Variants in CARD6 observed in about 807,000 individuals in gnomAD.
The protein encoded by CARD6 is caspase recruitment domain family member 6, also known as caspase recruitment domain-containing protein 6.
In CARD6, 27 loss-of-function variants were observed where a neutral mutation model predicts 23.6. That is an observed-to-expected ratio of 1.14 (90% CI 0.84 to 1.58). The LOEUF is 1.58. Among genes scored for constraint, CARD6 ranks in the 40% most tolerant of loss-of-function variants. CARD6 has a pLI of 0.00. For missense variants in CARD6, 1,214 were observed against 1,209.9 expected (o/e 1.00, Z -0.05); for synonymous variants, 397 against 431.8 (o/e 0.92, Z 1.00).
At chr5:40,841,800 A>G in intron 1 of CARD6, 135 bp downstream of exon 1, 3 of 735,996 alleles carry the variant, frequency 4.1e-6, no homozygotes, top group Non-Finnish European at 6.4e-6. Flanking sequence ...TTGAAATATG[A>G]AATAGGGAAA....
chr5:40,851,957 T>A (rs1208468476), intron 2 of CARD6, among the ~76,000 whole-genome samples: 3 of 150,382 alleles, frequency 2.0e-5, no homozygotes, highest in African/African-American at 7.4e-5. Flanking sequence ...AAAGACCCCA[T>A]CTCTATTAAA....
intron 2 of CARD6, among the ~76,000 whole-genome samples, chr5:40,846,056 A>G (rs1255671965): frequency 2.0e-5 from 3 of 150,344 alleles, no homozygotes; most frequent in African/African-American, 7.4e-5. Context: ...TCTGTTGCCC[A>G]GGCTGGAGTG....
rs1745862547 is a variant in CARD6 at position 40,841,627 on chromosome 5, C to T, written c.245C>T (p.Thr82Ile). The change falls in exon 1 of 3, where the codon ACT becomes ATT. Residue 82 changes from threonine (T) to isoleucine (I), a missense_variant. Thr to Ile is a moderately conservative substitution (Grantham distance 89). Coordinates refer to ENST00000254691, the MANE Select transcript of CARD6 (RefSeq NM_032587.4). The part of the protein sequence containing the change: ...CQHFLKCLFS[T>I]FPQSAAICGL... ...CATTTTCTCAAGTGTTTATTTAGTACTTTTCCACAGTCAGCTGCCATTTGC... is the reference window on the plus strand; with the variant it reads ...CATTTTCTCAAGTGTTTATTTAGTATTTTTCCACAGTCAGCTGCCATTTGC... The T allele has an allele frequency of 6.2e-6, 10 of 1,613,920 alleles. No homozygotes were observed. The highest frequency in any genetic ancestry group is 8.5e-6 in the Non-Finnish European group (10 of 1,179,936).
At chr5:40,841,706 G>A (rs369296125) in intron 1 of CARD6, 41 bp downstream of exon 1, 28 of 1,411,328 alleles carry the variant, frequency 2.0e-5, no homozygotes, top group South Asian at 3.2e-5. Context: ...AGAGGAAGGG[G>A]GCAGACTTTC....
In CARD6 at chr5:40,854,329, T is replaced by C. The variant is rs1746149743; in HGVS notation, c.2997T>C (p.Pro999=). The C allele has an allele frequency of 6.2e-7, 1 of 1,613,914 alleles. No individual in the cohort carries two copies. The highest frequency in any genetic ancestry group is 1.1e-5 in the South Asian group (1 of 91,078). ...AGCCTAAGCCAAGCCAGCCCTGGCC[T>C]CCCCAGTCTAAGCCTTCTCAGCCCA... is the stretch of plus-strand genomic sequence containing the variant. ...STQPKPSQPW[P]PQSKPSQPRP... Residue 999 remains proline, a synonymous_variant, in exon 3 of 3, where the codon CCT becomes CCC. Transcript: ENST00000254691.
intron 2 of CARD6, among the ~76,000 whole-genome samples, chr5:40,846,374 G>GT (rs1745967683): frequency 1.3e-5 from 2 of 152,168 alleles, no homozygotes; most frequent in South Asian, 4.2e-4. Flanking sequence ...GGTGGAGGGG[G>GT]GGAGACAGAG....
At position 40,852,948 on chromosome 5, in the gene CARD6, T is replaced by C. The variant is rs368792815; in HGVS notation, c.1616T>C (p.Phe539Ser). 2.5e-6 allele frequency: 4 copies of C among 1,614,036 alleles called. No individual in the cohort carries two copies. The African/African-American group carries it at 5.3e-5, about 22-fold the overall frequency. ...LANLRGNLES[F>S]WTQFGFLMEV... ...AATCTCCGTGGAAATCTAGAAAGCT[T>C]TTGGACTCAGTTTGGTTTTTTGATG... Residue 539 changes from phenylalanine (F) to serine (S), a missense_variant, in exon 3 of 3, where the codon TTT becomes TCT. Coordinates refer to ENST00000254691, the MANE Select transcript of CARD6 (RefSeq NM_032587.4).
At position 40,852,422 on chromosome 5, in the gene CARD6, A is replaced by C. The variant is rs538146189; in HGVS notation, c.1090A>C (p.Asn364His). ...GGAGGATTTGCTGGCTGGAGTGGAGAATTTGGAAATTCGAGACATACAAAC... is the reference window on the plus strand; with the variant it reads ...GGAGGATTTGCTGGCTGGAGTGGAGCATTTGGAAATTCGAGACATACAAAC... ...SKEDLLAGVE[N>H]LEIRDIQTIN... The change falls in exon 3 of 3, where the codon AAT becomes CAT. Residue 364 changes from asparagine (N) to histidine (H), a missense_variant. Coordinates refer to ENST00000254691, the MANE Select transcript of CARD6 (RefSeq NM_032587.4). 6.2e-7 allele frequency: 1 copy of C among 1,614,078 alleles called. No individual in the cohort carries two copies. Among genetic ancestry groups the C allele is most frequent in the Admixed American group, 1.7e-5 (1 of 59,984 alleles).
chr5:40,853,532 T>A lies in CARD6; in HGVS notation c.2200T>A (p.Phe734Ile). The change falls in exon 3 of 3, where the codon TTT (phenylalanine) becomes ATT (isoleucine). Residue 734 changes from phenylalanine (F) to isoleucine (I), a missense_variant. Transcript: ENST00000254691. The stretch of plus-strand genomic sequence containing the variant: ...GCCTGTTCTAGAGAACTCCTGGCTC[T>A]TTCCAACCAGAATTGGAGGTAACTT... ...FRPVLENSWL[F>I]PTRIGGNFNH... The A allele has an allele frequency of 6.2e-7, 1 of 1,614,214 alleles. No homozygotes were observed. The highest frequency in any genetic ancestry group is 8.5e-7 in the Non-Finnish European group (1 of 1,180,014).
At chr5:40,851,258 G>T (rs1746060770) in intron 2 of CARD6, among the ~76,000 whole-genome samples, 2 of 151,976 alleles carry the variant, frequency 1.3e-5, no homozygotes, top group African/African-American at 4.8e-5. Context: ...TTGAACCCAG[G>T]AGGTGGATGT....
intron 2 of CARD6, among the ~76,000 whole-genome samples, chr5:40,846,004 A>T (rs1313435399): frequency 1.3e-5 from 2 of 149,842 alleles, no homozygotes; most frequent in Non-Finnish European, 3.0e-5. Flanking sequence ...TTCAGAATAG[A>T]TGCAGTATAT....
chr5:40,853,769 G>A lies in CARD6; in HGVS notation c.2437G>A (p.Gly813Arg). ...AGTTGCTCGGGGATGTCACTCGAAT[G>A]GAACATTTGGGAGACTGCCAAGACC... ...SRVARGCHSN[G>R]TFGRLPRPIC... The change falls in exon 3 of 3, where the codon GGA becomes AGA. Residue 813 changes from glycine to arginine, a missense_variant. Gly to Arg is a moderately radical substitution (Grantham distance 125). Coordinates refer to ENST00000254691, the MANE Select transcript of CARD6 (RefSeq NM_032587.4). The A allele has an allele frequency of 6.2e-7, 1 of 1,614,186 alleles. No individual in the cohort carries two copies. Among genetic ancestry groups the A allele is most frequent in the South Asian group, 1.1e-5 (1 of 91,084 alleles).
chr5:40,847,818 T>TA (rs1236406062), intron 2 of CARD6, among the ~76,000 whole-genome samples: 3 of 152,016 alleles, frequency 2.0e-5, no homozygotes, highest in Non-Finnish European at 4.4e-5. Context: ...TTTTTTCTCT[T>TA]AGTGTTTGCA....
At chr5:40,846,883 C>G (rs1745976129) in intron 2 of CARD6, among the ~76,000 whole-genome samples, 1 of 152,132 alleles carries the variant, frequency 6.6e-6, no homozygotes, top group Non-Finnish European at 1.5e-5. Context: ...AAATTCAACC[C>G]ATAACACCAT....
At position 40,841,653 on chromosome 5, in the gene CARD6, G is replaced by T. The variant is rs745413137; in HGVS notation, c.271G>T (p.Gly91Cys). 5.6e-6 allele frequency: 9 copies of T among 1,613,086 alleles called. No homozygotes were observed. Among genetic ancestry groups the T allele is most frequent in the Non-Finnish European group, 7.6e-6 (9 of 1,179,472 alleles). ...TTTTCCACAGTCAGCTGCCATTTGCGGCTTAAGGCATGGTAAGTTGACTTT... is the reference window on the plus strand; with the variant it reads ...TTTTCCACAGTCAGCTGCCATTTGCTGCTTAAGGCATGGTAAGTTGACTTT... The part of the protein sequence containing the change: ...STFPQSAAIC[G>C]LRHEVLKHEN... The change falls in exon 1 of 3, where the codon GGC becomes TGC. Residue 91 changes from glycine (G) to cysteine (C), a missense_variant. Transcript: ENST00000254691.
rs1460228759 is a variant in CARD6, at chr5:40,853,623, A to G, written c.2291A>G (p.Lys764Arg). The change falls in exon 3 of 3, where the codon AAG becomes AGG. Residue 764 changes from lysine (K) to arginine (R), a missense_variant. Transcript: ENST00000254691. ...CCCTTTGGGTCAGAGCAGAGGCCTAAGTGGTTCCATCCTTTGCCTTTTCAG... is the reference window on the plus strand; with the variant it reads ...CCCTTTGGGTCAGAGCAGAGGCCTAGGTGGTTCCATCCTTTGCCTTTTCAG... ...GRPFGSEQRP[K>R]WFHPLPFQNA... 1 of 1,614,112 alleles carries G rather than the reference A, an allele frequency of 6.2e-7. No homozygotes were observed.
At position 40,843,703 on chromosome 5, in the gene CARD6, A is replaced by G. The variant is rs561408864; in HGVS notation, c.835A>G (p.Ile279Val). The G allele has an allele frequency of 2.6e-6, 4 of 1,533,310 alleles. No individual in the cohort carries two copies. In the African/African-American group the frequency reaches 5.6e-5, roughly 21 times the overall value. 95.0% of individuals were successfully genotyped at this position (1,533,310 alleles called of 1,614,324 possible). ...LSLEEEQEKS[I>V]EERKKVFKDV... ...ATTGGAGGAGGAACAGGAGAAAAGT[A>G]TAGAAGGTATGGAAATATCTTGTAT... Residue 279 changes from isoleucine (I) to valine (V), a missense_variant, in exon 2 of 3, where the codon ATA becomes GTA. Transcript: ENST00000254691.
chr5:40,843,919 A>G lies in CARD6; in HGVS notation c.841+210A>G, dbSNP rs565546966. Among the ~76,000 whole-genome samples, 9 of 152,348 alleles carry G rather than the reference A, an allele frequency of 5.9e-5. No individual in the cohort carries two copies. In the South Asian group the frequency reaches 1.7e-3, roughly 28 times the overall value. On this transcript the variant is annotated intron_variant, in intron 2 of 2. Coordinates refer to ENST00000254691, the MANE Select transcript of CARD6 (RefSeq NM_032587.4). ...CAGGACCTAGGAAATGATGGACAGC[A>G]TAAGCAAAAGTAAATATTGATTGTC...
In CARD6 at chr5:40,852,395, A is replaced by C. The variant is rs371334015; in HGVS notation, c.1063A>C (p.Lys355Gln). 3 of 1,614,028 alleles carry C rather than the reference A, an allele frequency of 1.9e-6. No individual in the cohort carries two copies. Among genetic ancestry groups the C allele is most frequent in the Non-Finnish European group, 2.5e-6 (3 of 1,180,018 alleles). The change falls in exon 3 of 3, where the codon AAG becomes CAG. Residue 355 changes from lysine to glutamine, a missense_variant. Physicochemically the swap from Lys to Gln is moderately conservative, Grantham distance 53 (BLOSUM62 1). Coordinates refer to ENST00000254691, the MANE Select transcript of CARD6 (RefSeq NM_032587.4). ...LSHKVLDEDS[K>Q]EDLLAGVENL... ...TCACAAGGTTCTGGATGAAGATAGC[A>C]AGGAGGATTTGCTGGCTGGAGTGGA... is the stretch of plus-strand genomic sequence containing the variant.
Sources: gnomAD v4.1 joint callset for allele counts (sites outside exome capture counted in the v4.1 genomes callset) on GRCh38, gnomAD v4.1.1 for gene constraint, MANE v1.5 for transcripts, NCBI Gene and HGNC (gene_info 2026-07-23, HGNC 2026-07-21) for gene names.